Variants in BTBD7 observed in about 807,000 individuals in gnomAD.
BTBD7 encodes BTB domain containing 7.
Under a neutral mutation model 99.9 loss-of-function variants are expected in BTBD7, and 38 were observed. The observed-to-expected ratio is 0.38, with a 90% CI of 0.29 to 0.50. The LOEUF is 0.50. Ranked by LOEUF, BTBD7 falls within the 20% of genes least tolerant of loss-of-function variation. The pLI is 0.93. For synonymous variants in BTBD7, 520 were observed against 511.4 expected, an observed-to-expected ratio of 1.02 and a Z score of -0.23; for missense variants, 1,170 against 1,394.6, an observed-to-expected ratio of 0.84 and a Z score of 2.57.
intron 1 of BTBD7, among the ~76,000 whole-genome samples, chr14:93,307,611 CT>C (rs1209423607): frequency 6.6e-6 from 1 of 152,204 alleles, no homozygotes; most frequent in African/African-American, 2.4e-5. Flanking sequence ...CTGTACCACT[CT>C]TCTGAAACAT....
chr14:93,242,613 T>C lies in BTBD7; in HGVS notation c.3059A>G (p.Gln1020Arg), dbSNP rs1255642188. 3.1e-6 allele frequency: 5 copies of C among 1,614,226 alleles called. No homozygotes were observed. The highest frequency in any genetic ancestry group is 3.4e-6 in the Non-Finnish European group (4 of 1,180,046). The change falls in exon 11 of 11, where the codon CAA (glutamine) becomes CGA (arginine). Residue 1020 changes from glutamine (Q) to arginine (R), a missense_variant. By Grantham distance (43) the Gln-to-Arg change is conservative. Transcript: ENST00000334746. ...PLSPDGHLHR[Q>R]KNEPIHLDVV... ...ATCCAGGTGTATCGGCTCATTCTTT[T>C]GTCTGTGTAGATGCCCGTCAGGGGA...
rs58039526 is a variant in BTBD7 at position 93,311,921 on chromosome 14, T to C, written c.-106-15764A>G. 3.2e-3 allele frequency among the ~76,000 whole-genome samples: 397 copies of C among 125,668 alleles called. 1 individual carries two copies. The highest frequency in any genetic ancestry group is 0.013 in the African/African-American group (357 of 27,026). 82.4% of individuals were successfully genotyped at this position (125,668 alleles called of 152,430 possible). A position where few individuals can be genotyped will look rare whatever the true frequency, so the allele number is the denominator to read the frequency against. On this transcript the variant is annotated intron_variant, in intron 1 of 10. Coordinates refer to ENST00000334746, the MANE Select transcript of BTBD7 (RefSeq NM_001002860.4). Reference sequence around the variant, plus strand: ...TTTTTAGTCATTGCATTTTTAACTTTGTTATATAATTAAACATTTAAGTGA... The same window carrying C: ...TTTTTAGTCATTGCATTTTTAACTTCGTTATATAATTAAACATTTAAGTGA...
Position 93,242,726 on chromosome 14 carries a change from CTT to C in BTBD7, c.2944_2945del (p.Lys982GlyfsTer18). Reference protein sequence around the residue: ...YFGPDLYSHNKASPSGLKSAY... With the variant: ...YFGPDLYSHNXASPSGLKSAY... ...CTGACTTTAAGCCACTTGGTGATGC[CTT>C]ATTGTGGCTGTACAGATCGGGACCA... On this transcript the variant is annotated frameshift_variant, in exon 11 of 11. Coordinates refer to ENST00000334746, the MANE Select transcript of BTBD7 (RefSeq NM_001002860.4). LOFTEE classifies it high-confidence loss of function. The C allele has an allele frequency of 6.2e-7, 1 of 1,614,144 alleles. No individual in the cohort carries two copies. The highest frequency in any genetic ancestry group is 8.5e-7 in the Non-Finnish European group (1 of 1,180,030).
At chr14:93,291,608 TAACTC>T (rs1183536289) in intron 3 of BTBD7, among the ~76,000 whole-genome samples, 1 of 151,844 alleles carries the variant, frequency 6.6e-6, no homozygotes, top group African/African-American at 2.4e-5. Flanking sequence ...AAAACAAAAA[TAACTC>T]AAACTCTATT....
intron 1 of BTBD7, among the ~76,000 whole-genome samples, chr14:93,326,389 C>T (rs1203945984): frequency 1.3e-5 from 2 of 152,118 alleles, no homozygotes; most frequent in African/African-American, 4.8e-5. Context: ...ACTGCTTGAG[C>T]CCAGGTAGTT....
chr14:93,300,257 C>CTTTT (rs35598735), intron 1 of BTBD7, among the ~76,000 whole-genome samples: 2 of 119,650 alleles, frequency 1.7e-5, no homozygotes, highest in African/African-American at 7.2e-5. Context: ...TTTCTTTGTT[C>CTTTT]TTTTTTTTTT....
intron 3 of BTBD7, among the ~76,000 whole-genome samples, chr14:93,281,636 T>G (rs1403584441): frequency 1.3e-5 from 2 of 152,176 alleles, no homozygotes; most frequent in Non-Finnish European, 2.9e-5. Flanking sequence ...TTATTAAGTA[T>G]GAAAAAAAGT....
rs548548146 is a variant in BTBD7 at position 93,245,401 on chromosome 14, G to A, written c.2583+424C>T. 2.0e-5 allele frequency among the ~76,000 whole-genome samples: 3 copies of A among 152,294 alleles called. No individual in the cohort carries two copies. The East Asian group carries it at 5.8e-4, about 29-fold the overall frequency. On this transcript the variant is annotated intron_variant, in intron 10 of 10. Coordinates refer to ENST00000334746, the MANE Select transcript of BTBD7 (RefSeq NM_001002860.4). ...TCCACATTATTCCTGACGGTATACT[G>A]TACTTAGCTATAAGTAGCTCTTGCT... is the stretch of plus-strand genomic sequence containing the variant.
chr14:93,267,347 T>G (rs2052553810), intron 3 of BTBD7, among the ~76,000 whole-genome samples: 1 of 152,224 alleles, frequency 6.6e-6, no homozygotes, highest in African/African-American at 2.4e-5. Flanking sequence ...CACTTCACTC[T>G]TTAAGAGTCT....
chr14:93,331,119 TTCA>T (rs1168859180), intron 1 of BTBD7, among the ~76,000 whole-genome samples: 1 of 152,162 alleles, frequency 6.6e-6, no homozygotes, highest in African/African-American at 2.4e-5. Flanking sequence ...AAAAAAAATC[TTCA>T]TCAGTTACTT....
At chr14:93,298,428 T>C (rs1346332197) in intron 1 of BTBD7, among the ~76,000 whole-genome samples, 1 of 152,208 alleles carries the variant, frequency 6.6e-6, no homozygotes, top group African/African-American at 2.4e-5. Flanking sequence ...TCAATGTACA[T>C]AAACTTTGTT....
chr14:93,265,477 G>A (rs1263429), intron 3 of BTBD7, among the ~76,000 whole-genome samples: 129,101 of 152,298 alleles, frequency 0.85, 55,196 homozygotes, highest in African/African-American at 0.96. Context: ...CCTGTGCTAA[G>A]TAAAAATGTG....
At chr14:93,331,170 C>T (rs929576248) in intron 1 of BTBD7, among the ~76,000 whole-genome samples, 32 of 152,008 alleles carry the variant, frequency 2.1e-4, no homozygotes, top group Non-Finnish European at 4.6e-4. Flanking sequence ...CTCTCATTTT[C>T]GCTTTCAACT....
At chr14:93,257,604 T>C (rs893620762) in intron 5 of BTBD7, among the ~76,000 whole-genome samples, 3 of 152,244 alleles carry the variant, frequency 2.0e-5, no homozygotes, top group African/African-American at 7.2e-5. Flanking sequence ...GAATAAAGGA[T>C]TCCTTTCTAT....
Position 93,261,611 on chromosome 14 carries a change from C to T in BTBD7, c.1438G>A (p.Ala480Thr), listed in dbSNP as rs972706726. ...AATTTTCGGAGCTTACCTCTATCTG[C>T]TATTCTTTTCATCAACTGATGCTCT... Reference protein sequence around the residue: ...WGEHQLMKRIADREPNLLSGT... With the variant: ...WGEHQLMKRITDREPNLLSGT... Residue 480 changes from alanine to threonine, a missense_variant, in exon 5 of 11, where the codon GCA becomes ACA. Physicochemically the swap from Ala to Thr is moderately conservative, Grantham distance 58 (BLOSUM62 0). This residue lies in a region of BTBD7 where 309 missense variants were observed against 342.0 expected (regional missense o/e 0.90). Transcript: ENST00000334746. The T allele has an allele frequency of 2.5e-6, 4 of 1,611,208 alleles. No individual in the cohort carries two copies. The highest frequency in any genetic ancestry group is 3.4e-6 in the Non-Finnish European group (4 of 1,178,670).
intron 10 of BTBD7, 112 bp from the exon 11 acceptor site, chr14:93,243,200 G>GC (rs1555387341): frequency 1.5e-6 from 1 of 658,946 alleles, no homozygotes; most frequent in Non-Finnish European, 2.1e-6. Context: ...TTCTGTTTTT[G>GC]TTTTTTTTTT....
chr14:93,244,994 G>C (rs1450014697), intron 10 of BTBD7, among the ~76,000 whole-genome samples: 2 of 151,398 alleles, frequency 1.3e-5, no homozygotes, highest in African/African-American at 4.9e-5. Context: ...TGAGTAGCTG[G>C]GACTACAGGC....
At chr14:93,318,526 T>C (rs1374423423) in intron 1 of BTBD7, among the ~76,000 whole-genome samples, 2 of 152,188 alleles carry the variant, frequency 1.3e-5, no homozygotes, top group Non-Finnish European at 2.9e-5. Context: ...TGAAATTAAA[T>C]CCATTTCCTA....
intron 10 of BTBD7, among the ~76,000 whole-genome samples, chr14:93,244,997 C>A (rs1458334837): frequency 2.0e-5 from 3 of 151,560 alleles, no homozygotes; most frequent in Admixed American, 2.0e-4. Context: ...GTAGCTGGGA[C>A]TACAGGCACG....
Sources: allele counts gnomAD v4.1 joint callset (sites outside exome capture counted in the v4.1 genomes callset), GRCh38; gene constraint gnomAD v4.1.1; regional missense constraint gnomAD v4.1.1; transcripts MANE v1.5; gene names NCBI Gene and HGNC (gene_info 2026-07-23, HGNC 2026-07-21).